Variants in GTF2E1 observed in about 807,000 individuals in gnomAD.
GTF2E1 encodes TFIIE alpha subunit.
A neutral mutation model predicts 34.9 loss-of-function variants in GTF2E1; 14 were observed. The ratio of observed to expected loss-of-function variants is 0.40; its 90% CI spans 0.27 to 0.63. The LOEUF (loss-of-function observed/expected upper bound fraction) is 0.63. Among genes scored for constraint, GTF2E1 ranks in the 20% least tolerant of loss-of-function variants. The pLI is 0.39. For synonymous variants in GTF2E1, 188 were observed against 192.9 expected (o/e 0.97, Z 0.21); for missense variants, 469 against 557.7 (o/e 0.84, Z 1.60).
chr3:120,748,840 G>T (rs1396166071), intron 1 of GTF2E1, among the ~76,000 whole-genome samples: 1 of 152,150 alleles, frequency 6.6e-6, no homozygotes, highest in African/African-American at 2.4e-5. Flanking sequence ...ATTACCTTGG[G>T]CAGTATGGCC....
chr3:120,762,347 C>T (rs185575040), intron 2 of GTF2E1, among the ~76,000 whole-genome samples: 1 of 152,244 alleles, frequency 6.6e-6, no homozygotes, highest in African/African-American at 2.4e-5. Flanking sequence ...GTGTGGGAGT[C>T]TAAGTCTCTT....
rs1369070272 is a variant in GTF2E1 at position 120,771,047 on chromosome 3, T to TA, written c.650+119dup. 4 of 809,562 alleles carry TA rather than the reference T, an allele frequency of 4.9e-6. No individual in the cohort carries two copies. In the South Asian group the frequency reaches 6.1e-5, roughly 12 times the overall value. 50.1% of individuals were successfully genotyped at this position (809,562 alleles called of 1,614,324 possible). A position where few individuals can be genotyped will look rare whatever the true frequency, so the allele number is the denominator to read the frequency against. On this transcript the variant is annotated intron_variant, in intron 3 of 4. Transcript: ENST00000283875. Reference sequence around the variant, plus strand: ...ACTAGGAGACTCAAGACTGTAATGTTACGTAGGTTCTCAGTTGTGCCACAT... The same window carrying TA: ...ACTAGGAGACTCAAGACTGTAATGTTAACGTAGGTTCTCAGTTGTGCCACAT...
intron 3 of GTF2E1, among the ~76,000 whole-genome samples, chr3:120,772,409 AAGG>A (rs2107612155): frequency 6.6e-6 from 1 of 152,292 alleles, no homozygotes; most frequent in African/African-American, 2.4e-5. Flanking sequence ...CAAAGAAAGA[AAGG>A]AGCCACAGTT....
At position 120,780,491 on chromosome 3, in the gene GTF2E1, A is replaced by G. The variant is rs74883061; in HGVS notation, c.893-552A>G. On this transcript the variant is annotated intron_variant, in intron 4 of 4. Transcript: ENST00000283875. ...GTGTCTGATATGTACAAGGAATACC[A>G]TGGAGGCTACTGTGGCTAGACAAGA... 7.7e-3 allele frequency among the ~76,000 whole-genome samples: 1,167 copies of G among 152,312 alleles called. 15 individuals are homozygous for G. The highest frequency in any genetic ancestry group is 0.027 in the African/African-American group (1,107 of 41,580).
At chr3:120,765,084 T>C (rs1366128519) in intron 2 of GTF2E1, among the ~76,000 whole-genome samples, 2 of 147,324 alleles carry the variant, frequency 1.4e-5, no homozygotes, top group Non-Finnish European at 3.0e-5. Flanking sequence ...TTGGAGAAAG[T>C]TAAAATTAAA....
intron 3 of GTF2E1, 119 bp from the exon 4 acceptor site, chr3:120,776,304 G>T: frequency 1.2e-6 from 1 of 863,502 alleles, no homozygotes; most frequent in South Asian, 1.6e-5. Context: ...ATGTGTGCAT[G>T]ATTGCTAGGT....
Position 120,770,748 on chromosome 3 carries a change from T to G in GTF2E1, c.469T>G (p.Cys157Gly). 1 of 1,613,338 alleles carries G rather than the reference T, an allele frequency of 6.2e-7. No homozygotes were observed. The highest frequency in any genetic ancestry group is 8.5e-7 in the Non-Finnish European group (1 of 1,179,372). ...TGTAGGAACTTTCCGCTGTACTTTT[T>G]GCCATACAGAGGTAGAAGAGGATGA... ...PMTGTFRCTFCHTEVEEDESA... is the reference protein window; with the variant it reads ...PMTGTFRCTFGHTEVEEDESA... Residue 157 changes from cysteine to glycine, a missense_variant, in exon 3 of 5, where the codon TGC (cysteine) becomes GGC (glycine). Transcript: ENST00000283875.
chr3:120,776,366 C>T (rs1709398947), intron 3 of GTF2E1, 57 bp from the exon 4 acceptor site: 2 of 1,524,428 alleles, frequency 1.3e-6, no homozygotes, highest in East Asian at 2.3e-5. Flanking sequence ...CCCTTCTTTT[C>T]CAACACCAAG....
At chr3:120,763,963 C>A (rs974256347) in intron 2 of GTF2E1, among the ~76,000 whole-genome samples, 2 of 152,158 alleles carry the variant, frequency 1.3e-5, no homozygotes, top group Non-Finnish European at 2.9e-5. Flanking sequence ...GAGACTATTT[C>A]TATCATTATT....
chr3:120,771,436 A>G (rs1219631164), intron 3 of GTF2E1, among the ~76,000 whole-genome samples: 2 of 152,098 alleles, frequency 1.3e-5, no homozygotes, highest in Non-Finnish European at 2.9e-5. Context: ...TATTTTTATC[A>G]GTGTTCCCTA....
At chr3:120,747,947 T>G (rs1709122636) in intron 1 of GTF2E1, among the ~76,000 whole-genome samples, 1 of 152,150 alleles carries the variant, frequency 6.6e-6, no homozygotes, top group Non-Finnish European at 1.5e-5. Flanking sequence ...CCATTCTAAC[T>G]GGTGTGAGAT....
chr3:120,743,875 C>T (rs1318446635), intron 1 of GTF2E1, among the ~76,000 whole-genome samples: 1 of 152,140 alleles, frequency 6.6e-6, no homozygotes, highest in Admixed American at 6.5e-5. Flanking sequence ...TTCTCTGGCT[C>T]CGTGCCTGGT....
At chr3:120,755,272 C>G (rs2107606751) in intron 2 of GTF2E1, among the ~76,000 whole-genome samples, 1 of 152,258 alleles carries the variant, frequency 6.6e-6, no homozygotes, top group East Asian at 1.9e-4. Context: ...TGGCTTGTGA[C>G]TACAGATAAA....
rs117918183 is a variant in GTF2E1 at position 120,753,012 on chromosome 3, T to C, written c.448+2012T>C. Among the ~76,000 whole-genome samples the C allele has an allele frequency of 1.2e-3, 176 of 152,312 alleles. No individual in the cohort carries two copies. The East Asian group carries it at 0.033, about 29-fold the overall frequency. On this transcript the variant is annotated intron_variant, in intron 2 of 4. Coordinates refer to ENST00000283875, the MANE Select transcript of GTF2E1 (RefSeq NM_005513.3). ...CTCATTCTGAGAACATACTTGCCTT[T>C]TTATTGTAACGTGGCTTTTCATTTA...
chr3:120,775,086 A>C (rs1353225878), intron 3 of GTF2E1, among the ~76,000 whole-genome samples: 1 of 152,158 alleles, frequency 6.6e-6, no homozygotes, highest in East Asian at 1.9e-4. Flanking sequence ...ATACACGGAC[A>C]CAGACCTCAG....
chr3:120,763,829 A>G (rs1709285284), intron 2 of GTF2E1, among the ~76,000 whole-genome samples: 1 of 152,158 alleles, frequency 6.6e-6, no homozygotes, highest in South Asian at 2.1e-4. Flanking sequence ...CTTCTAGCAT[A>G]TCAGAGCATG....
chr3:120,754,332 C>T (rs1303420633), intron 2 of GTF2E1, among the ~76,000 whole-genome samples: 1 of 152,134 alleles, frequency 6.6e-6, no homozygotes, highest in Non-Finnish European at 1.5e-5. Context: ...CACAAAGCCA[C>T]CAGCCTTTTA....
chr3:120,747,356 A>C (rs918520691), intron 1 of GTF2E1, among the ~76,000 whole-genome samples: 9 of 151,868 alleles, frequency 5.9e-5, no homozygotes, highest in Non-Finnish European at 8.8e-5. Flanking sequence ...ATTAACTCGT[A>C]ATTTAACATT....
intron 4 of GTF2E1, among the ~76,000 whole-genome samples, chr3:120,779,718 C>T (rs925074318): frequency 6.6e-6 from 1 of 152,156 alleles, no homozygotes; most frequent in African/African-American, 2.4e-5. Context: ...CAGGCCCATT[C>T]TAGACACTTC....
Sources: gnomAD v4.1 joint callset for allele counts (sites outside exome capture counted in the v4.1 genomes callset) on GRCh38, gnomAD v4.1.1 for gene constraint, MANE v1.5 for transcripts, NCBI Gene and HGNC (gene_info 2026-07-23, HGNC 2026-07-21) for gene names.